Variants in COL20A1 observed in about 807,000 individuals in gnomAD.
COL20A1 encodes collagen alpha-1(XX) chain.
In COL20A1, 164 loss-of-function variants were observed where a neutral mutation model predicts 152.9. The ratio of observed to expected loss-of-function variants is 1.07; its 90% CI spans 0.94 to 1.22. The LOEUF is 1.22. Among genes scored for constraint, COL20A1 ranks in the 50% most tolerant of loss-of-function variants. The pLI, the probability that COL20A1 is intolerant of heterozygous loss-of-function variation, is 0.00. For missense variants in COL20A1, 1,873 were observed against 1,744.8 expected (o/e 1.07, Z -1.31); for synonymous variants, 864 against 756.0 (o/e 1.14, Z -2.34).
chr20:63,327,811 G>A (rs1227898660), intron 31 of COL20A1, 141 bp from the exon 32 acceptor site: 1 of 832,588 alleles, frequency 1.2e-6, no homozygotes, highest in African/African-American at 1.7e-5. Context: ...TAGGATCTGG[G>A]AATTTGGGAT....
intron 1 of COL20A1, 190 bp from the exon 2 acceptor site, chr20:63,294,908 T>G: frequency 3.7e-6 from 2 of 543,996 alleles, no homozygotes; most frequent in Admixed American, 3.5e-5. Context: ...GGTCCTTGAG[T>G]TTTAGGCAGC....
intron 3 of COL20A1, among the ~76,000 whole-genome samples, chr20:63,298,522 A>G (rs1427545985): frequency 6.6e-6 from 1 of 150,788 alleles, no homozygotes; most frequent in Non-Finnish European, 1.5e-5. Flanking sequence ...AACTGGGCTC[A>G]GGAGATCCGC....
chr20:63,316,304 C>CG (rs3833300), intron 20 of COL20A1, among the ~76,000 whole-genome samples: 11,327 of 151,818 alleles, frequency 0.075, 491 homozygotes, highest in Middle Eastern at 0.11. Flanking sequence ...GCCTGGGGAG[C>CG]GGCCCCTCCC....
chr20:63,298,906 AC>A, intron 3 of COL20A1, among the ~76,000 whole-genome samples: 1 of 152,300 alleles, frequency 6.6e-6, no homozygotes, highest in South Asian at 2.1e-4. Context: ...GTGGAAAACG[AC>A]CGTCCCGGGT....
At chr20:63,299,529 A>C (rs866405274) in intron 3 of COL20A1, among the ~76,000 whole-genome samples, 9 of 152,098 alleles carry the variant, frequency 5.9e-5, no homozygotes, top group Admixed American at 5.2e-4. Context: ...CATGAATTCA[A>C]TCCTGTAGCC....
intron 11 of COL20A1, 149 bp downstream of exon 11, chr20:63,310,659 C>A: frequency 3.4e-6 from 3 of 882,650 alleles, no homozygotes; most frequent in Non-Finnish European, 5.1e-6. Context: ...GCTGTGTGAC[C>A]AAGGCCGAGT....
Position 63,305,896 on chromosome 20 carries a change from G to A in COL20A1, c.353G>A (p.Ser118Asn). 1.2e-6 allele frequency: 2 copies of A among 1,613,084 alleles called. No individual in the cohort carries two copies. The highest frequency in any genetic ancestry group is 1.7e-6 in the Non-Finnish European group (2 of 1,179,856). Residue 118 changes from serine (S) to asparagine (N), a missense_variant, in exon 5 of 36, where the codon AGT becomes AAT. Coordinates refer to ENST00000358894, the MANE Select transcript of COL20A1 (RefSeq NM_020882.4). The surrounding 1 kb of genome is among the most constrained non-coding windows in gnomAD (Gnocchi z 4.9). ...RREFVIEDLK[S>N]SSLDRSSQRP... Reference sequence around the variant, plus strand: ...CTCCCTGCAGTTGAGGATCTGAAGAGTAGCTCCCTGGACAGGAGCAGCCAG... The same window carrying A: ...CTCCCTGCAGTTGAGGATCTGAAGAATAGCTCCCTGGACAGGAGCAGCCAG...
At position 63,305,899 on chromosome 20, in the gene COL20A1, G is replaced by T. The variant is rs761056893; in HGVS notation, c.356G>T (p.Ser119Ile). ...REFVIEDLKS[S>I]SLDRSSQRPL... ...CCTGCAGTTGAGGATCTGAAGAGTA[G>T]CTCCCTGGACAGGAGCAGCCAGAGG... is the stretch of plus-strand genomic sequence containing the variant. The change falls in exon 5 of 36, where the codon AGC (serine) becomes ATC (isoleucine). Residue 119 changes from serine to isoleucine, a missense_variant. By Grantham distance (142) the Ser-to-Ile change is moderately radical. Coordinates refer to ENST00000358894, the MANE Select transcript of COL20A1 (RefSeq NM_020882.4). This position sits in a 1 kb window ranked among gnomAD's most constrained non-coding sequence, Gnocchi z 4.9. 2 of 1,613,036 alleles carry T rather than the reference G, an allele frequency of 1.2e-6. No homozygotes were observed. The highest frequency in any genetic ancestry group is 2.2e-5 in the South Asian group (2 of 91,076).
chr20:63,295,157 T>C lies in COL20A1; in HGVS notation c.50T>C (p.Leu17Pro). Residue 17 changes from leucine to proline, a missense_variant, in exon 2 of 36, where the codon CTG becomes CCG. By Grantham distance (98) the Leu-to-Pro change is moderately conservative (BLOSUM62 -3). Transcript: ENST00000358894. The stretch of plus-strand genomic sequence containing the variant: ...CTCGGCCTCTGCCTCTGGCTGTGGC[T>C]GGGCGCCACCCTGGGAAGAGAGCAA... ...AHLGLCLWLW[L>P]GATLGREQVQ... 1.3e-6 allele frequency: 2 copies of C among 1,555,572 alleles called. No homozygotes were observed. Among genetic ancestry groups the C allele is most frequent in the Non-Finnish European group, 1.7e-6 (2 of 1,149,948 alleles).
At chr20:63,312,281 C>T (rs2068019174) in intron 14 of COL20A1, 139 bp from the exon 15 acceptor site, 2 of 1,171,826 alleles carry the variant, frequency 1.7e-6, no homozygotes, top group African/African-American at 1.6e-5. Context: ...CCCTCCCATC[C>T]CTCAGGACAA....
At chr20:63,315,286 C>T (rs2068069673) in intron 19 of COL20A1, 118 bp from the exon 20 acceptor site, 1 of 1,015,166 alleles carries the variant, frequency 9.9e-7, no homozygotes, top group Non-Finnish European at 1.5e-6. Context: ...ACAGTCCCAC[C>T]TATACAGATG....
chr20:63,326,729 C>A (rs2068254796), intron 30 of COL20A1, 23 bp from the exon 31 acceptor site: 6 of 1,409,224 alleles, frequency 4.3e-6, no homozygotes, highest in Middle Eastern at 1.8e-4. Context: ...CCAAGCCAAA[C>A]CCTGACTTCT....
In COL20A1 at chr20:63,326,957, T is replaced by C. The variant is rs2068259440; in HGVS notation, c.3528+134T>C. The C allele has an allele frequency of 1.1e-5, 6 of 570,576 alleles. No individual in the cohort carries two copies. The Admixed American group carries it at 2.6e-4, about 24-fold the overall frequency. 35.3% of individuals were successfully genotyped at this position (570,576 alleles called of 1,614,324 possible). ...TACTGACCACCTAGGGACTTCCTGTTGACAGCCCACAGACTTCCTGTTGAC... is the reference window on the plus strand; with the variant it reads ...TACTGACCACCTAGGGACTTCCTGTCGACAGCCCACAGACTTCCTGTTGAC... On this transcript the variant is annotated intron_variant, in intron 31 of 35. Transcript: ENST00000358894.
At position 63,309,400 on chromosome 20, in the gene COL20A1, C is replaced by A; in HGVS notation, c.1008C>A (p.His336Gln). 6.4e-7 allele frequency: 1 copy of A among 1,557,340 alleles called. No homozygotes were observed. The highest frequency in any genetic ancestry group is 8.7e-7 in the Non-Finnish European group (1 of 1,149,638). ...CCCCGCCGAGGGACATCACCGTCCACAGCGTGCTGGACTTCCTGCAGCTCG... is the reference window on the plus strand; with the variant it reads ...CCCCGCCGAGGGACATCACCGTCCAAAGCGTGCTGGACTTCCTGCAGCTCG... ...LASPPRDITVHSVLDFLQLGA... is the reference protein window; with the variant it reads ...LASPPRDITVQSVLDFLQLGA... The change falls in exon 9 of 36, where the codon CAC becomes CAA. Residue 336 changes from histidine (H) to glutamine (Q), a missense_variant. Coordinates refer to ENST00000358894, the MANE Select transcript of COL20A1 (RefSeq NM_020882.4).
chr20:63,309,787 GC>G lies in COL20A1; in HGVS notation c.1140del (p.Thr381ProfsTer5), dbSNP rs1463179088. 2 of 1,598,758 alleles carry G rather than the reference GC, an allele frequency of 1.3e-6. No individual in the cohort carries two copies. Among genetic ancestry groups the G allele is most frequent in the East Asian group, 2.3e-5 (1 of 44,254 alleles). ...GGCTCCAGCCCTGGACACCCTCCCT[GC>G]CCCCACCAGCCTGGTCCTGAGCCAG... ...AAAPALDTLP[A>X]PTSLVLSQVT... On this transcript the variant is annotated frameshift_variant, in exon 10 of 36. Coordinates refer to ENST00000358894, the MANE Select transcript of COL20A1 (RefSeq NM_020882.4). LOFTEE classifies it high-confidence loss of function.
intron 27 of COL20A1, 139 bp from the exon 28 acceptor site, chr20:63,325,302 G>C: frequency 1.4e-6 from 1 of 733,876 alleles, no homozygotes; most frequent in Non-Finnish European, 2.5e-6. Context: ...GATGGGACCA[G>C]AAGGTCCTGG....
chr20:63,321,137 C>T (rs751759498), intron 26 of COL20A1, 38 bp downstream of exon 26: 37 of 1,435,968 alleles, frequency 2.6e-5, no homozygotes, highest in African/African-American at 2.0e-4. Flanking sequence ...GACCAGGGAA[C>T]ACTGGCCAAT....
intron 19 of COL20A1, 64 bp from the exon 20 acceptor site, chr20:63,315,340 C>T (rs6090357): frequency 0.99 from 1,473,570 of 1,485,970 alleles, 731,366 homozygotes; most frequent in East Asian, 1. Flanking sequence ...CCCTCCCCAG[C>T]GGTCTGTCAG....
chr20:63,317,612 A>G (rs2068100883), intron 21 of COL20A1, among the ~76,000 whole-genome samples: 1 of 151,900 alleles, frequency 6.6e-6, no homozygotes, highest in South Asian at 2.1e-4. Flanking sequence ...TTGTCCCCAC[A>G]CAGCCGCCGG....
Sources: allele counts gnomAD v4.1 joint callset (sites outside exome capture counted in the v4.1 genomes callset), GRCh38; gene constraint gnomAD v4.1.1; non-coding constraint Gnocchi (gnomAD v3.1); transcripts MANE v1.5; gene names NCBI Gene and HGNC (gene_info 2026-07-23, HGNC 2026-07-21).